Variants in PARP10 observed in about 807,000 individuals in gnomAD.
PARP10 encodes the protein poly(ADP-ribose) polymerase family member 10.
In PARP10, 56 loss-of-function variants were observed where a neutral mutation model predicts 82.4. That is an observed-to-expected ratio of 0.68 (90% CI 0.55 to 0.85). PARP10 has a LOEUF of 0.85. Among genes scored for constraint, PARP10 ranks in the 40% least tolerant of loss-of-function variants. PARP10 has a pLI of 0.00. For synonymous variants in PARP10, 576 were observed against 601.1 expected, an observed-to-expected ratio of 0.96 and a Z score of 0.61; for missense variants, 1,227 against 1,379.4, an observed-to-expected ratio of 0.89 and a Z score of 1.75.
At chr8:143,992,373 G>A, upstream of PARP10, 2 of 1,605,860 alleles carry the variant, frequency 1.2e-6, no homozygotes, top group Non-Finnish European at 1.7e-6. Context: ...TCTCCATGCA[G>A]GTGAGGGGCC....
intron 1 of PARP10, 33 bp from the exon 2 acceptor site, chr8:143,986,266 G>A: frequency 6.2e-7 from 1 of 1,613,412 alleles, no homozygotes; most frequent in East Asian, 2.2e-5. Flanking sequence ...TAGGGAAACA[G>A]CCCATTCCAC....
chr8:143,987,006 G>A (rs189706684), upstream of PARP10: 89 of 154,404 alleles, frequency 5.8e-4, no homozygotes, highest in Non-Finnish European at 1.0e-3. Context: ...GGTCTTGCCT[G>A]CCCATTCCTG....
chr8:143,982,691 A>C (rs1833890594), intron 9 of PARP10, among the ~76,000 whole-genome samples: 1 of 152,200 alleles, frequency 6.6e-6, no homozygotes, highest in South Asian at 2.1e-4. Context: ...CCCAGCCACG[A>C]GTGGCAGAGT....
At position 144,011,025 on chromosome 8, in the gene PARP10, C is replaced by T. The variant is rs537780019; in HGVS notation, c.-80+1505G>A. ...GTCAACATCTTGTAGCTATTAATCA[C>T]GTCTATTAGACGTCTAATAGACGTG... On this transcript the variant is annotated intron_variant, in intron 1 of 3. Coordinates refer to the PARP10 transcript ENST00000530478. The surrounding 1 kb of genome is among the most constrained non-coding windows in gnomAD (Gnocchi z 4.5). Among the ~76,000 whole-genome samples, 20 of 151,940 alleles carry T rather than the reference C, an allele frequency of 1.3e-4. No homozygotes were observed. The South Asian group carries it at 2.3e-3, about 17-fold the overall frequency.
chr8:143,980,680 C>T lies in PARP10; in HGVS notation c.2556+2252G>A, dbSNP rs541442441. Reference sequence around the variant, plus strand: ...AGAGTCTGTGCCAAAAGGTGACAAGCGGGGTACTGAGTAACCCGGTGGTCA... The same window carrying T: ...AGAGTCTGTGCCAAAAGGTGACAAGTGGGGTACTGAGTAACCCGGTGGTCA... On this transcript the variant is annotated intron_variant, in intron 9 of 10. Transcript: ENST00000313028. Among the ~76,000 whole-genome samples the T allele has an allele frequency of 1.2e-4, 18 of 152,052 alleles. No homozygotes were observed. In the South Asian group the frequency reaches 1.9e-3, roughly 16 times the overall value.
rs782696401 is a variant in PARP10 at position 143,983,803 on chromosome 8, G to C, written c.1786C>G (p.Arg596Gly). The C allele has an allele frequency of 6.3e-7, 1 of 1,586,052 alleles. No individual in the cohort carries two copies. Among genetic ancestry groups the C allele is most frequent in the Admixed American group, 1.7e-5 (1 of 58,210 alleles). The change falls in exon 8 of 11, where the codon CGA (arginine) becomes GGA (glycine). Residue 596 changes from arginine to glycine, a missense_variant. By Grantham distance (125) the Arg-to-Gly change is moderately radical. Transcript: ENST00000313028. ...CCCTCCAGGGTGGCCAGCAGTTCTC[G>C]GACCTCCTCTGGGGGCAGGGAGAGG... ...DQEDVSLEEV[R>G]ELLATLEGLD...
Position 143,977,750 on chromosome 8 carries a change from C to T in PARP10, c.2812G>A (p.Asp938Asn). The change falls in exon 11 of 11, where the codon GAT becomes AAT. Residue 938 changes from aspartate to asparagine, a missense_variant. Physicochemically the swap from Asp to Asn is conservative, Grantham distance 23 (BLOSUM62 1). Coordinates refer to ENST00000313028, the MANE Select transcript of PARP10 (RefSeq NM_032789.5). ...VQDRYSPPNA[D>N]GHKAVFVARV... ...GCCACGAACACCGCCTTATGGCCAT[C>T]GGCGTTGGGGGGCGAGTAGCGGTCC... 1.2e-6 allele frequency: 2 copies of T among 1,603,414 alleles called. No individual in the cohort carries two copies. Among genetic ancestry groups the T allele is most frequent in the Non-Finnish European group, 1.7e-6 (2 of 1,175,786 alleles).
At chr8:143,995,104 A>AGGGCCAGGGGGTGGAG (rs1491562298), upstream of PARP10, among the ~76,000 whole-genome samples, 1 of 152,130 alleles carries the variant, frequency 6.6e-6, no homozygotes. Flanking sequence ...GGTGTGGGAC[A>AGGGCCAGGGGGTGGAG]GGGCCAGGGG....
At position 143,984,049 on chromosome 8, in the gene PARP10, G is replaced by T. The variant is rs781816139; in HGVS notation, c.1736C>A (p.Thr579Asn). The change falls in exon 7 of 11, where the codon ACC (threonine) becomes AAC (asparagine). Residue 579 changes from threonine to asparagine, a missense_variant. Thr to Asn is a moderately conservative substitution (Grantham distance 65). Transcript: ENST00000313028. ...VLPGNAHTLWTPDSTGGDQED... is the reference protein window; with the variant it reads ...VLPGNAHTLWNPDSTGGDQED... ...CTGGTCACCACCTGTACTGTCTGGG[G>T]TCCACAGGGTGTGGGCGTTGCCAGG... is the stretch of plus-strand genomic sequence containing the variant. The T allele has an allele frequency of 4.9e-5, 75 of 1,540,232 alleles. No homozygotes were observed. The highest frequency in any genetic ancestry group is 6.0e-5 in the Non-Finnish European group (69 of 1,144,410).
At chr8:144,006,763 C>A (rs114657296) in intron 1 of PARP10, among the ~76,000 whole-genome samples, 2 of 152,192 alleles carry the variant, frequency 1.3e-5, no homozygotes, top group African/African-American at 4.8e-5. Flanking sequence ...TGTGAGGACA[C>A]GAGAATGCAG....
rs782809943 is a variant in PARP10 at position 143,985,768 on chromosome 8, C to A, written c.389G>T (p.Arg130Leu). The change falls in exon 3 of 11, where the codon CGG becomes CTG. Residue 130 changes from arginine to leucine, a missense_variant. Arg to Leu is a moderately radical substitution (Grantham distance 102). Coordinates refer to ENST00000313028, the MANE Select transcript of PARP10 (RefSeq NM_032789.5). ...CAACTGGACCAGAGCCCGGTCTGGC[C>A]GGGGGCTGGCCAAGGCACAGCAAGG... ...VQPCCALASP[R>L]PDRALVQLPK... is the part of the protein sequence containing the mutation. The A allele has an allele frequency of 6.2e-7, 1 of 1,611,078 alleles. No homozygotes were observed. The highest frequency in any genetic ancestry group is 8.5e-7 in the Non-Finnish European group (1 of 1,178,676).
rs190932235 is a variant in PARP10, at chr8:144,011,756, A to G, written c.-80+774T>C. Among the ~76,000 whole-genome samples, 189 of 152,260 alleles carry G rather than the reference A, an allele frequency of 1.2e-3. No individual in the cohort carries two copies. The highest frequency in any genetic ancestry group is 6.8e-3 in the Middle Eastern group (2 of 294). On this transcript the variant is annotated intron_variant, in intron 1 of 3. Transcript: ENST00000530478. The surrounding 1 kb of genome is among the most constrained non-coding windows in gnomAD (Gnocchi z 4.5). ...GGGAATAGAGATCCAAGTGCGGAGA[A>G]GGCAACGACGGGAGATTTGGAATAG...
At chr8:143,982,159 G>C (rs897114885) in intron 9 of PARP10, among the ~76,000 whole-genome samples, 16 of 152,228 alleles carry the variant, frequency 1.1e-4, no homozygotes, top group African/African-American at 2.2e-4. Flanking sequence ...ACAACTTTGG[G>C]CATCAAGAGT....
rs370393612 is a variant in PARP10, at chr8:143,984,685, C to T, written c.1317G>A (p.Gly439=). Residue 439 remains glycine, a synonymous_variant, in exon 5 of 11, where the codon GGG becomes GGA. Transcript: ENST00000313028. The part of the protein sequence containing the change: ...PVSPGCVKLA[G]QEGLVEMVLL... Reference sequence around the variant, plus strand: ...GCACCATCTCCACCAGGCCCTCCTGCCCTGCCAGCTTCACACATCCTGGGC... The same window carrying T: ...GCACCATCTCCACCAGGCCCTCCTGTCCTGCCAGCTTCACACATCCTGGGC... 1 of 1,614,074 alleles carries T rather than the reference C, an allele frequency of 6.2e-7. No homozygotes were observed. The highest frequency in any genetic ancestry group is 8.5e-7 in the Non-Finnish European group (1 of 1,179,970).
chr8:143,980,519 C>T (rs111813034), intron 9 of PARP10, among the ~76,000 whole-genome samples: 8,157 of 149,380 alleles, frequency 0.055, 772 homozygotes, highest in African/African-American at 0.19. Context: ...GAGACACTGT[C>T]TCAAAAAAAT....
Position 143,985,302 on chromosome 8 carries a change from G to A in PARP10, c.700C>T (p.His234Tyr). ...QVAERVLQQE[H>Y]RLQGSELSLV... ...CTCAGCTCTGAGCCCTGCAACCGGT[G>A]CTCCTGCTGCAACACTCGTTCTGCC... The change falls in exon 5 of 11, where the codon CAC (histidine) becomes TAC (tyrosine). Residue 234 changes from histidine to tyrosine, a missense_variant. His to Tyr is a moderately conservative substitution (Grantham distance 83, BLOSUM62 2). Transcript: ENST00000313028. The A allele has an allele frequency of 6.2e-7, 1 of 1,610,208 alleles. No individual in the cohort carries two copies. Among genetic ancestry groups the A allele is most frequent in the Non-Finnish European group, 8.5e-7 (1 of 1,177,920 alleles).
upstream of PARP10, chr8:143,992,388 G>A (rs782658404): frequency 3.9e-5 from 63 of 1,608,416 alleles, no homozygotes; most frequent in Non-Finnish European, 4.9e-5. Context: ...GGGGCCTCCC[G>A]TGGCTGGGCT....
chr8:143,999,117 C>T (rs1834182300), intron 1 of PARP10, among the ~76,000 whole-genome samples: 2 of 151,978 alleles, frequency 1.3e-5, no homozygotes, highest in South Asian at 2.1e-4. Context: ...TCATGGCTCA[C>T]TGCAGCCTCA....
At chr8:143,991,202 G>C, upstream of PARP10, 1 of 1,541,202 alleles carries the variant, frequency 6.5e-7, no homozygotes, top group Non-Finnish European at 8.7e-7. Context: ...TTCTCTAGGG[G>C]CGGACCGCGG....
Sources: gnomAD v4.1 joint callset for allele counts (sites outside exome capture counted in the v4.1 genomes callset) on GRCh38, gnomAD v4.1.1 for gene constraint, Gnocchi (gnomAD v3.1) non-coding constraint, MANE v1.5 for transcripts, NCBI Gene and HGNC (gene_info 2026-07-23, HGNC 2026-07-21) for gene names.